FRYL: variants seen among roughly 807,000 people sequenced by gnomAD.
FRYL encodes the protein protein furry homolog-like.
FRYL carries 150 observed loss-of-function variants against 351.2 expected under a neutral mutation model. The observed-to-expected ratio is 0.43, with a 90% CI of 0.37 to 0.49. FRYL has a LOEUF of 0.49. Ranked by LOEUF, FRYL falls within the 20% of genes least tolerant of loss-of-function variation. The pLI is 0.00. For synonymous variants in FRYL, 1,153 were observed against 1,257.1 expected (o/e 0.92, Z 1.75); for missense variants, 3,036 against 3,619.3 (o/e 0.84, Z 4.13).
intron 53 of FRYL, among the ~76,000 whole-genome samples, chr4:48,526,214 C>T (rs1277051646): frequency 6.6e-6 from 1 of 152,138 alleles, no homozygotes; most frequent in Middle Eastern, 3.2e-3. Flanking sequence ...AAAGATACAT[C>T]AAGATATGGT....
intron 1 of FRYL, among the ~76,000 whole-genome samples, chr4:48,747,130 G>A (rs566409098): frequency 4.7e-5 from 7 of 150,166 alleles, no homozygotes; most frequent in Non-Finnish European, 5.9e-5. Context: ...AATGAGAGAG[G>A]GAGGTTCCCT....
chr4:48,699,897 A>G (rs546050255), intron 2 of FRYL, among the ~76,000 whole-genome samples: 10 of 152,336 alleles, frequency 6.6e-5, no homozygotes, highest in African/African-American at 2.4e-4. Flanking sequence ...GAATTTTAAC[A>G]TACATTTAAA....
intron 2 of FRYL, among the ~76,000 whole-genome samples, chr4:48,708,991 G>A (rs529582335): frequency 6.7e-6 from 1 of 149,844 alleles, no homozygotes; most frequent in Non-Finnish European, 1.5e-5. Context: ...GCGCGATCTC[G>A]GCTCACTGTA....
rs1254984289 is a variant in FRYL at position 48,634,366 on chromosome 4, A to G, written c.45T>C (p.Tyr15=). 2 of 1,613,528 alleles carry G rather than the reference A, an allele frequency of 1.2e-6. No homozygotes were observed. Among genetic ancestry groups the G allele is most frequent in the Non-Finnish European group, 1.7e-6 (2 of 1,179,670 alleles). Residue 15 remains tyrosine (Y), a synonymous_variant, in exon 4 of 64, where the codon TAT becomes TAC. Coordinates refer to ENST00000358350, the MANE Select transcript of FRYL (RefSeq NM_015030.2). ...TIDPDVKPGE[Y]VIKSLFAEFA... is the part of the protein sequence containing the mutation. ...ATTCTGCAAAGAGGCTCTTGATGAC[A>G]TATTCACCAGGTTTGACATCTGGGT...
intron 4 of FRYL, among the ~76,000 whole-genome samples, chr4:48,625,929 A>C (rs1751710044): frequency 1.3e-5 from 2 of 152,166 alleles, no homozygotes; most frequent in African/African-American, 4.8e-5. Context: ...TAATATGTAA[A>C]GCACAATTAT....
rs1577920176 is a variant in FRYL, at chr4:48,521,346, T to C, written c.7522-131A>G. 19 of 661,760 alleles carry C rather than the reference T, an allele frequency of 2.9e-5. 1 individual carries two copies. In the East Asian group the frequency reaches 5.3e-4, roughly 19 times the overall value. The allele number at this position is 661,760 out of a possible 1,614,324, so 41.0% of individuals were successfully genotyped here. On this transcript the variant is annotated intron_variant, in intron 54 of 63. Transcript: ENST00000358350. Reference sequence around the variant, plus strand: ...GAGATTTCCTAAAATCATCTTTCTTTCCTTCCAGTCTACACCAGAATGGGT... The same window carrying C: ...GAGATTTCCTAAAATCATCTTTCTTCCCTTCCAGTCTACACCAGAATGGGT...
At chr4:48,511,494 AAGTC>A in intron 57 of FRYL, among the ~76,000 whole-genome samples, 1 of 152,210 alleles carries the variant, frequency 6.6e-6, no homozygotes. Flanking sequence ...GACTCATAGT[AAGTC>A]AATCAATTAG....
At position 48,726,508 on chromosome 4, in the gene FRYL, C is replaced by G. The variant is rs192668938; in HGVS notation, c.-383-15810G>C. Among the ~76,000 whole-genome samples the G allele has an allele frequency of 3.3e-5, 5 of 152,192 alleles. No individual in the cohort carries two copies. The East Asian group carries it at 7.7e-4, about 24-fold the overall frequency. Reference sequence around the variant, plus strand: ...ACCAGCCTGGCCAACATGGTGAAACCCTGTCTCTACTAAAAATACAAAAAT... The same window carrying G: ...ACCAGCCTGGCCAACATGGTGAAACGCTGTCTCTACTAAAAATACAAAAAT... On this transcript the variant is annotated intron_variant, in intron 1 of 63. Coordinates refer to ENST00000358350, the MANE Select transcript of FRYL (RefSeq NM_015030.2).
intron 36 of FRYL, among the ~76,000 whole-genome samples, chr4:48,552,795 T>G (rs1013316784): frequency 2.0e-4 from 31 of 152,106 alleles, no homozygotes; most frequent in African/African-American, 7.2e-4. Context: ...ATTTCTAGTT[T>G]TACAGATAAT....
At chr4:48,684,372 G>C (rs1452882307) in intron 3 of FRYL, among the ~76,000 whole-genome samples, 2 of 152,110 alleles carry the variant, frequency 1.3e-5, no homozygotes, top group African/African-American at 2.4e-5. Context: ...CTCGTTATAG[G>C]TGTTGATTGC....
chr4:48,513,005 T>C (rs1218999526), intron 56 of FRYL, among the ~76,000 whole-genome samples: 3 of 152,174 alleles, frequency 2.0e-5, no homozygotes, highest in Non-Finnish European at 4.4e-5. Flanking sequence ...GCTTTCATTT[T>C]CAATGGTCAA....
Position 48,527,457 on chromosome 4 carries a change from G to C in FRYL, c.7317+20C>G. 1 of 1,588,812 alleles carries C rather than the reference G, an allele frequency of 6.3e-7. No individual in the cohort carries two copies. Among genetic ancestry groups the C allele is most frequent in the Non-Finnish European group, 8.6e-7 (1 of 1,164,124 alleles). The stretch of plus-strand genomic sequence containing the variant: ...TACAACTGTTCTATAAATATTAACA[G>C]AGAAAGCCCACATCCTTACCTCTGC... On this transcript the variant is annotated intron_variant, in intron 53 of 63. Coordinates refer to ENST00000358350, the MANE Select transcript of FRYL (RefSeq NM_015030.2).
intron 46 of FRYL, 67 bp from the exon 47 acceptor site, chr4:48,540,135 T>C: frequency 7.7e-7 from 1 of 1,295,210 alleles, no homozygotes; most frequent in Non-Finnish European, 1.1e-6. Context: ...GTTAAAGTTA[T>C]TTTTTTAGAT....
chr4:48,650,387 C>G (rs961680139), intron 3 of FRYL, among the ~76,000 whole-genome samples: 1 of 152,102 alleles, frequency 6.6e-6, no homozygotes, highest in Admixed American at 6.6e-5. Context: ...TCAACCAATA[C>G]CCTCCAGAAG....
At chr4:48,515,454 G>A (rs1323712885) in intron 55 of FRYL, among the ~76,000 whole-genome samples, 179 bp from the exon 56 acceptor site, 2 of 152,086 alleles carry the variant, frequency 1.3e-5, no homozygotes, top group African/African-American at 4.8e-5. Flanking sequence ...TGCAATCTCC[G>A]CCTCTCAGGT....
At chr4:48,585,498 C>T (rs999201693) in intron 19 of FRYL, among the ~76,000 whole-genome samples, 1 of 152,188 alleles carries the variant, frequency 6.6e-6, no homozygotes, top group African/African-American at 2.4e-5. Flanking sequence ...CACAAGTAAA[C>T]ACCTTTCAAC....
intron 1 of FRYL, among the ~76,000 whole-genome samples, chr4:48,722,734 C>T (rs1176371609): frequency 2.0e-5 from 3 of 152,200 alleles, no homozygotes; most frequent in Admixed American, 6.5e-5. Context: ...TTGGGAAGCA[C>T]ATTCCTTGTT....
At chr4:48,660,439 GT>G (rs1186292589) in intron 3 of FRYL, among the ~76,000 whole-genome samples, 1 of 152,144 alleles carries the variant, frequency 6.6e-6, no homozygotes, top group Non-Finnish European at 1.5e-5. Context: ...TGCCTAAACT[GT>G]TTGTATAAAT....
chr4:48,635,932 T>G (rs769058877), intron 3 of FRYL, among the ~76,000 whole-genome samples: 3 of 152,014 alleles, frequency 2.0e-5, no homozygotes, highest in Non-Finnish European at 2.9e-5. Context: ...ATACATAAAT[T>G]CAAAACTTAT....
Sources: allele counts gnomAD v4.1 joint callset (sites outside exome capture counted in the v4.1 genomes callset), GRCh38; gene constraint gnomAD v4.1.1; transcripts MANE v1.5; gene names NCBI Gene and HGNC (gene_info 2026-07-23, HGNC 2026-07-21).